Variants in TBC1D5 observed in about 807,000 individuals in gnomAD.
TBC1D5 encodes the protein TBC1 domain family member 5.
Under a neutral mutation model 100.3 loss-of-function variants are expected in TBC1D5, and 75 were observed. That is an observed-to-expected ratio of 0.75 (90% CI 0.62 to 0.91). TBC1D5 has a LOEUF of 0.91. TBC1D5 is among the 40% of genes least tolerant of loss of function. The pLI, the probability that TBC1D5 is intolerant of heterozygous loss-of-function variation, is 0.00. For missense variants in TBC1D5, 910 were observed against 942.4 expected (o/e 0.97, Z 0.45); for synonymous variants, 323 against 325.6 (o/e 0.99, Z 0.09).
intron 15 of TBC1D5, among the ~76,000 whole-genome samples, chr3:17,275,740 C>T (rs1407108432): frequency 6.6e-6 from 1 of 152,106 alleles, no homozygotes; most frequent in African/African-American, 2.4e-5. Context: ...GTCAAAGAGG[C>T]ACATATGGGC....
At chr3:17,607,895 C>T (rs2061436442) in intron 2 of TBC1D5, among the ~76,000 whole-genome samples, 1 of 152,034 alleles carries the variant, frequency 6.6e-6, no homozygotes, top group Non-Finnish European at 1.5e-5. Flanking sequence ...TGACATTCAA[C>T]ACCACTCATG....
At chr3:17,555,966 G>A (rs2096515801) in intron 2 of TBC1D5, among the ~76,000 whole-genome samples, 1 of 152,094 alleles carries the variant, frequency 6.6e-6, no homozygotes, top group South Asian at 2.1e-4. Flanking sequence ...GTTGATTGGG[G>A]GCTTAGAATT....
chr3:17,238,328 G>A (rs757762085), exon 17 of TBC1D5: 2 of 1,613,860 alleles, frequency 1.2e-6, no homozygotes, highest in Admixed American at 1.7e-5. Context: ...GCACTGCCTG[G>A]AGCCATTGCT....
In TBC1D5 at chr3:17,666,972, AAC is replaced by A. The variant is rs748342425; in HGVS notation, c.-100-43061_-100-43060del. ...TGAATTTTTTTTCATTTATTCACTC[AAC>A]AGTTAGTGAATGTTAGAAAAATATA... On this transcript the variant is annotated intron_variant, in intron 1 of 21. Coordinates refer to ENST00000253692, the Ensembl canonical transcript of TBC1D5. Among the ~76,000 whole-genome samples the A allele has an allele frequency of 7.2e-5, 11 of 152,294 alleles. No individual in the cohort carries two copies. In the East Asian group the frequency reaches 1.5e-3, roughly 21 times the overall value.
intron 19 of TBC1D5, among the ~76,000 whole-genome samples, chr3:17,179,249 T>C (rs973301686): frequency 6.6e-6 from 1 of 152,242 alleles, no homozygotes; most frequent in Non-Finnish European, 1.5e-5. Flanking sequence ...ATAGTGTAGT[T>C]GACAGAGAGA....
At chr3:17,526,747 C>A (rs1167916147) in intron 2 of TBC1D5, among the ~76,000 whole-genome samples, 1 of 152,202 alleles carries the variant, frequency 6.6e-6, no homozygotes, top group East Asian at 1.9e-4. Flanking sequence ...TACCAGCACA[C>A]TGTCACTACT....
chr3:17,297,134 A>T (rs2082330756), intron 14 of TBC1D5, among the ~76,000 whole-genome samples: 1 of 152,240 alleles, frequency 6.6e-6, no homozygotes, highest in Non-Finnish European at 1.5e-5. Context: ...CTGTATCAGA[A>T]AAGTCAGAAT....
At chr3:17,261,845 G>GT (rs34656348) in intron 15 of TBC1D5, among the ~76,000 whole-genome samples, 4,715 of 143,210 alleles carry the variant, frequency 0.033, 104 homozygotes, top group Non-Finnish European at 0.053. Context: ...TCTTAAAGGA[G>GT]TTTTTTTTTT....
At chr3:17,616,745 G>T (rs1479896416) in intron 2 of TBC1D5, among the ~76,000 whole-genome samples, 1 of 151,912 alleles carries the variant, frequency 6.6e-6, no homozygotes, top group African/African-American at 2.4e-5. Context: ...TGCTTGGTAG[G>T]TCTGCCTCCA....
Position 17,643,963 on chromosome 3 carries a change from G to T in TBC1D5, c.-100-20050C>A, listed in dbSNP as rs570010753. 9.2e-5 allele frequency: 14 copies of T among 152,238 alleles called. No homozygotes were observed. In the South Asian group the frequency reaches 2.1e-3, roughly 23 times the overall value. The allele number at this position is 152,238 out of a possible 1,614,324, so 9.4% of individuals were successfully genotyped here. A position where few individuals can be genotyped will look rare whatever the true frequency, so the allele number is the denominator to read the frequency against. The stretch of plus-strand genomic sequence containing the variant: ...ATTCCTCAGGAACCAAAACAACGAG[G>T]ATAGCAAATATTCTGCCCCTGCAAA... On this transcript the variant is annotated intron_variant, in intron 1 of 21. Coordinates refer to ENST00000253692, the Ensembl canonical transcript of TBC1D5.
exon 22 of TBC1D5, chr3:17,161,147 G>C (rs778187195): frequency 1.2e-6 from 2 of 1,614,200 alleles, no homozygotes; most frequent in East Asian, 4.5e-5. Flanking sequence ...AAGAGGCTGG[G>C]CCTGGCCGGA....
chr3:17,658,616 G>GT (rs1158594200), intron 1 of TBC1D5, among the ~76,000 whole-genome samples: 3 of 152,304 alleles, frequency 2.0e-5, no homozygotes, highest in Middle Eastern at 3.4e-3. Context: ...AGTAAGACCA[G>GT]TAGGGTGTTT....
intron 15 of TBC1D5, among the ~76,000 whole-genome samples, chr3:17,264,353 G>A (rs562810001): frequency 6.6e-6 from 1 of 152,014 alleles, no homozygotes; most frequent in African/African-American, 2.4e-5. Flanking sequence ...ACTCCAAGGT[G>A]GTATCTCCAT....
chr3:17,707,774 C>A, intron 1 of TBC1D5, among the ~76,000 whole-genome samples: 1 of 152,080 alleles, frequency 6.6e-6, no homozygotes, highest in East Asian at 1.9e-4. Context: ...AGAGGAAGCC[C>A]AGTTAACTTC....
intron 3 of TBC1D5, among the ~76,000 whole-genome samples, chr3:17,485,865 G>T (rs1470291661): frequency 6.6e-6 from 1 of 152,138 alleles, no homozygotes; most frequent in Non-Finnish European, 1.5e-5. Flanking sequence ...CCAGTAATGG[G>T]ATGGTTGGGT....
intron 3 of TBC1D5, among the ~76,000 whole-genome samples, chr3:17,500,209 A>C (rs1170070675): frequency 6.7e-6 from 1 of 149,564 alleles, no homozygotes; most frequent in Non-Finnish European, 1.5e-5. Context: ...ACATCAATGG[A>C]AGATTTTGAA....
intron 13 of TBC1D5, among the ~76,000 whole-genome samples, chr3:17,349,002 T>C (rs544458776): frequency 6.6e-6 from 1 of 152,134 alleles, no homozygotes; most frequent in Admixed American, 6.5e-5. Context: ...AAAAGGTGTA[T>C]TAAAACTGAG....
intron 19 of TBC1D5, among the ~76,000 whole-genome samples, chr3:17,174,619 A>G (rs2067515911): frequency 6.6e-6 from 1 of 152,058 alleles, no homozygotes; most frequent in South Asian, 2.1e-4. Flanking sequence ...TTTGAGACAG[A>G]GTCTTGCTCT....
At chr3:17,652,280 A>G (rs537688017) in intron 1 of TBC1D5, among the ~76,000 whole-genome samples, 1 of 152,184 alleles carries the variant, frequency 6.6e-6, no homozygotes, top group South Asian at 2.1e-4. Flanking sequence ...ACCCTACTAT[A>G]TAAAATATAA....
Sources: allele counts gnomAD v4.1 joint callset (sites outside exome capture counted in the v4.1 genomes callset), GRCh38; gene constraint gnomAD v4.1.1; transcripts MANE v1.5; gene names NCBI Gene and HGNC (gene_info 2026-07-23, HGNC 2026-07-21).